Variants in GIGYF2 observed in about 807,000 individuals in gnomAD.
The protein encoded by GIGYF2 is GRB10 interacting GYF protein 2, also known as GRB10-interacting GYF protein 2.
GIGYF2 carries 25 observed loss-of-function variants against 208.1 expected under a neutral mutation model. The observed-to-expected ratio is 0.12, with a 90% CI of 0.09 to 0.17. GIGYF2 has a LOEUF of 0.17. Ranked by LOEUF, GIGYF2 falls within the 10% of genes least tolerant of loss-of-function variation. The pLI is 1.00. For synonymous variants in GIGYF2, 534 were observed against 543.8 expected (o/e 0.98, Z 0.25); for missense variants, 1,302 against 1,579.4 (o/e 0.82, Z 2.98).
intron 3 of GIGYF2, among the ~76,000 whole-genome samples, chr2:232,740,537 G>A (rs1358319898): frequency 3.3e-5 from 5 of 152,120 alleles, no homozygotes; most frequent in African/African-American, 1.2e-4. Flanking sequence ...AATAGTTATG[G>A]CCTTGTGGTG....
intron 23 of GIGYF2, among the ~76,000 whole-genome samples, chr2:232,840,397 A>G (rs1701779720): frequency 6.6e-6 from 1 of 152,230 alleles, no homozygotes; most frequent in African/African-American, 2.4e-5. Flanking sequence ...TTAAGTGTAT[A>G]TCCTGTAGTT....
intron 2 of GIGYF2, among the ~76,000 whole-genome samples, chr2:232,708,279 A>G (rs1696221194): frequency 6.6e-6 from 1 of 152,130 alleles, no homozygotes; most frequent in Non-Finnish European, 1.5e-5. Context: ...TTATTAATGA[A>G]GTTTCCCATA....
intron 2 of GIGYF2, among the ~76,000 whole-genome samples, chr2:232,716,306 T>C (rs1559378814): frequency 6.6e-6 from 1 of 152,030 alleles, no homozygotes; most frequent in Non-Finnish European, 1.5e-5. Flanking sequence ...CATTTGAATG[T>C]AGGCCTCTTT....
chr2:232,734,429 C>T (rs894754686), intron 2 of GIGYF2: 3 of 152,040 alleles, frequency 2.0e-5, no homozygotes, highest in Non-Finnish European at 4.4e-5. Context: ...ACCACGTCTC[C>T]ACCTCCTGGG....
intron 28 of GIGYF2, among the ~76,000 whole-genome samples, chr2:232,854,520 A>G (rs866548061): frequency 4.1e-4 from 63 of 152,238 alleles, no homozygotes; most frequent in Middle Eastern, 3.4e-3. Flanking sequence ...GTATATATAT[A>G]TAAACACTAA....
At chr2:232,834,528 C>A (rs1380919422) in intron 22 of GIGYF2, among the ~76,000 whole-genome samples, 1 of 152,120 alleles carries the variant, frequency 6.6e-6, no homozygotes, top group Non-Finnish European at 1.5e-5. Flanking sequence ...TGTGGATCTC[C>A]TTGTGTTTAA....
intron 28 of GIGYF2, among the ~76,000 whole-genome samples, chr2:232,852,585 T>C (rs1023704207): frequency 5.0e-5 from 7 of 141,250 alleles, no homozygotes; most frequent in Non-Finnish European, 8.1e-5. Context: ...GTTTAAAATA[T>C]TATTTAAAAA....
chr2:232,771,156 A>G lies in GIGYF2; in HGVS notation c.532+9720A>G, dbSNP rs756066841. ...GAACATACCAGAGCACTGCAAAGAC[A>G]AGCCAGTGGACAACAAAAGAAGCAG... On this transcript the variant is annotated intron_variant, in intron 8 of 28. Coordinates refer to ENST00000373563, the MANE Select transcript of GIGYF2 (RefSeq NM_001103146.3). The G allele has an allele frequency of 4.3e-6, 7 of 1,614,140 alleles. No individual in the cohort carries two copies. The Admixed American group carries it at 1.2e-4, about 27-fold the overall frequency.
chr2:232,704,856 A>ATTTTTTTTTTT (rs10689292), intron 2 of GIGYF2, among the ~76,000 whole-genome samples: 12 of 101,956 alleles, frequency 1.2e-4, no homozygotes, highest in East Asian at 3.2e-4. Flanking sequence ...TAACTTCTGG[A>ATTTTTTTTTTT]TTTTTTTTTT....
intron 3 of GIGYF2, among the ~76,000 whole-genome samples, chr2:232,743,141 G>A (rs1049154001): frequency 2.0e-5 from 3 of 152,150 alleles, no homozygotes; most frequent in African/African-American, 7.2e-5. Flanking sequence ...ACTACCCATG[G>A]TAGAATTGGC....
At chr2:232,698,845 C>A (rs1240065382) in intron 1 of GIGYF2, among the ~76,000 whole-genome samples, 1 of 152,198 alleles carries the variant, frequency 6.6e-6, no homozygotes, top group Non-Finnish European at 1.5e-5. Flanking sequence ...TGGTACCTGA[C>A]AGCATTTGAG....
At chr2:232,830,344 A>T (rs757821615) in intron 21 of GIGYF2, among the ~76,000 whole-genome samples, 1 of 152,118 alleles carries the variant, frequency 6.6e-6, no homozygotes, top group Non-Finnish European at 1.5e-5. Context: ...TTTTATAATT[A>T]CATGTGTGAC....
intron 2 of GIGYF2, among the ~76,000 whole-genome samples, chr2:232,704,568 C>T (rs1696000895): frequency 6.6e-6 from 1 of 152,012 alleles, no homozygotes; most frequent in Non-Finnish European, 1.5e-5. Flanking sequence ...CCACACCCAG[C>T]TAATTTTTAG....
At chr2:232,753,194 G>C (rs1698400500) in intron 5 of GIGYF2, among the ~76,000 whole-genome samples, 1 of 151,448 alleles carries the variant, frequency 6.6e-6, no homozygotes, top group African/African-American at 2.4e-5. Flanking sequence ...TGTGATCTTG[G>C]CTCACTGCAA....
At chr2:232,856,746 C>G in intron 28 of GIGYF2, 47 bp from the exon 29 acceptor site, 1 of 1,217,374 alleles carries the variant, frequency 8.2e-7, no homozygotes, top group Non-Finnish European at 1.2e-6. Flanking sequence ...ATTTGAGCCG[C>G]TTGGTTGCCT....
intron 8 of GIGYF2, chr2:232,776,514 G>T: frequency 8.3e-7 from 1 of 1,198,550 alleles, no homozygotes. Context: ...CTGCCTTTTT[G>T]ATCAGATAAT....
intron 3 of GIGYF2, chr2:232,736,336 C>A: frequency 3.1e-6 from 1 of 319,370 alleles, no homozygotes; most frequent in Non-Finnish European, 4.5e-6. Flanking sequence ...AACTAGTAAG[C>A]CAGAAATAAT....
chr2:232,765,358 A>G (rs1371600266), intron 8 of GIGYF2: 1 of 152,652 alleles, frequency 6.6e-6, no homozygotes, highest in Non-Finnish European at 1.5e-5. Flanking sequence ...CATCACATTA[A>G]GACAGTTCAA....
intron 8 of GIGYF2, among the ~76,000 whole-genome samples, chr2:232,772,194 G>T (rs1440177224): frequency 6.6e-6 from 1 of 152,126 alleles, no homozygotes; most frequent in Non-Finnish European, 1.5e-5. Flanking sequence ...GATTACAGGG[G>T]TGAGCCACCA....
Sources: gnomAD v4.1 joint callset for allele counts (sites outside exome capture counted in the v4.1 genomes callset) on GRCh38, gnomAD v4.1.1 for gene constraint, MANE v1.5 for transcripts, NCBI Gene and HGNC (gene_info 2026-07-23, HGNC 2026-07-21) for gene names.